The following ZC3H13 variants were observed in gnomAD, a reference collection of about 807,000 sequenced individuals.
ZC3H13 encodes zinc finger CCCH domain-containing protein 13.
ZC3H13 carries 64 observed loss-of-function variants against 204.1 expected under a neutral mutation model. The observed-to-expected ratio is 0.31, with a 90% CI of 0.26 to 0.39. ZC3H13 has a LOEUF of 0.39. Ranked by LOEUF, ZC3H13 falls within the 10% of genes least tolerant of loss-of-function variation. The pLI is 1.00. For synonymous variants in ZC3H13, 667 were observed against 693.7 expected, an observed-to-expected ratio of 0.96 and a Z score of 0.60; for missense variants, 1,833 against 2,082.7, an observed-to-expected ratio of 0.88 and a Z score of 2.33.
chr13:45,992,016 T>C (rs1256725256), intron 8 of ZC3H13, among the ~76,000 whole-genome samples: 1 of 152,178 alleles, frequency 6.6e-6, no homozygotes, highest in Non-Finnish European at 1.5e-5. Flanking sequence ...TTTCAAAAAA[T>C]GGTTTCTATT....
At chr13:45,994,006 A>C (rs2040151220) in intron 8 of ZC3H13, among the ~76,000 whole-genome samples, 1 of 152,258 alleles carries the variant, frequency 6.6e-6, no homozygotes, top group African/African-American at 2.4e-5. Flanking sequence ...TGAACAACAC[A>C]GGGTCCACAC....
At chr13:45,983,268 C>A (rs943574487) in intron 10 of ZC3H13, among the ~76,000 whole-genome samples, 3 of 150,796 alleles carry the variant, frequency 2.0e-5, no homozygotes, top group African/African-American at 7.3e-5. Flanking sequence ...TTTCTGACAA[C>A]TAAAATGGGG....
chr13:46,022,573 T>C (rs185760891), intron 4 of ZC3H13, among the ~76,000 whole-genome samples: 24 of 152,140 alleles, frequency 1.6e-4, no homozygotes, highest in African/African-American at 5.3e-4. Flanking sequence ...TTCTCTTAAA[T>C]CCAAACATAT....
chr13:46,032,027 CT>C lies in ZC3H13; in HGVS notation c.339+10136del, dbSNP rs1256513642. On this transcript the variant is annotated intron_variant, in intron 4 of 18. Transcript: ENST00000679008. The stretch of plus-strand genomic sequence containing the variant: ...AAAACTTGGAAGCAACCAACATGTC[CT>C]TTGGTAGGTCAATGGACAAATAAAC... Among the ~76,000 whole-genome samples, 38 of 152,248 alleles carry C rather than the reference CT, an allele frequency of 2.5e-4. 1 individual carries two copies. Among genetic ancestry groups the C allele is most frequent in the Admixed American group, 2.1e-3 (32 of 15,288 alleles).
rs144094412 is a variant in ZC3H13, at chr13:45,967,263, T to A, written c.4321+241A>T. Among the ~76,000 whole-genome samples, 108 of 152,316 alleles carry A rather than the reference T, an allele frequency of 7.1e-4. 2 individuals carry two copies. In the East Asian group the frequency reaches 0.015, roughly 21 times the overall value. On this transcript the variant is annotated intron_variant, in intron 15 of 18. Coordinates refer to ENST00000679008, the MANE Select transcript of ZC3H13 (RefSeq NM_001330564.2). Reference sequence around the variant, plus strand: ...CACTGCATCTAAACAATCTTTTATTTCATTTAGGTTTATGTGAACCAAATC... The same window carrying A: ...CACTGCATCTAAACAATCTTTTATTACATTTAGGTTTATGTGAACCAAATC...
chr13:46,050,187 C>A (rs946920008), intron 1 of ZC3H13, among the ~76,000 whole-genome samples: 3 of 151,694 alleles, frequency 2.0e-5, no homozygotes, highest in Admixed American at 6.6e-5. Context: ...AAAGACACAA[C>A]AAAAGAGGGT....
intron 9 of ZC3H13, among the ~76,000 whole-genome samples, chr13:45,988,517 A>G (rs1346945626): frequency 6.6e-6 from 1 of 152,184 alleles, no homozygotes; most frequent in Non-Finnish European, 1.5e-5. Flanking sequence ...TCGGCCTCCC[A>G]AAGTGTTGAG....
chr13:45,981,163 G>A (rs1403585292), intron 10 of ZC3H13, among the ~76,000 whole-genome samples: 1 of 152,160 alleles, frequency 6.6e-6, no homozygotes, highest in Non-Finnish European at 1.5e-5. Flanking sequence ...AGGAATATCT[G>A]GCAAAAACAA....
In ZC3H13 at chr13:45,958,409, C is replaced by A. The variant is rs553314902; in HGVS notation, c.4839+1074G>T. 6.2e-4 allele frequency among the ~76,000 whole-genome samples: 95 copies of A among 152,242 alleles called. 1 individual carries two copies. The South Asian group carries it at 0.02, about 32-fold the overall frequency. On this transcript the variant is annotated intron_variant, in intron 18 of 18. Transcript: ENST00000679008. ...TCTTTTGTCATCCAGGTTGAGTAGT[C>A]CTCAACTGAAATGCTTTGGACCAGA... is the stretch of plus-strand genomic sequence containing the variant.
At chr13:46,029,053 T>C (rs1202908436) in intron 4 of ZC3H13, among the ~76,000 whole-genome samples, 5 of 152,074 alleles carry the variant, frequency 3.3e-5, no homozygotes, top group Admixed American at 2.6e-4. Flanking sequence ...TATCAGCTTC[T>C]AGCCAGGCTA....
intron 7 of ZC3H13, among the ~76,000 whole-genome samples, chr13:46,009,795 T>C (rs1020466642): frequency 3.3e-5 from 5 of 152,098 alleles, no homozygotes; most frequent in Non-Finnish European, 5.9e-5. Flanking sequence ...CTCTTGATAA[T>C]ATATACTGAA....
intron 12 of ZC3H13, among the ~76,000 whole-genome samples, chr13:45,973,368 CT>C (rs1185324436): frequency 6.6e-6 from 1 of 152,152 alleles, no homozygotes; most frequent in Non-Finnish European, 1.5e-5. Flanking sequence ...TAATTAGTTT[CT>C]GTTATAGAGT....
At chr13:46,020,988 A>G (rs907300932) in intron 4 of ZC3H13, among the ~76,000 whole-genome samples, 2 of 152,034 alleles carry the variant, frequency 1.3e-5, no homozygotes, top group Non-Finnish European at 2.9e-5. Flanking sequence ...CAATGGAAGG[A>G]TTTGTAAGTG....
rs538792048 is a variant in ZC3H13 at position 46,026,748 on chromosome 13, G to A, written c.340-6191C>T. Among the ~76,000 whole-genome samples, 22 of 152,124 alleles carry A rather than the reference G, an allele frequency of 1.4e-4. No homozygotes were observed. The East Asian group carries it at 3.7e-3, about 25-fold the overall frequency. ...CCAAATCTAAAGAGGAGAACTTCCC[G>A]AAAATAACTGTCATAGTTTGACATA... is the stretch of plus-strand genomic sequence containing the variant. On this transcript the variant is annotated intron_variant, in intron 4 of 18. Coordinates refer to ENST00000679008, the MANE Select transcript of ZC3H13 (RefSeq NM_001330564.2).
intron 4 of ZC3H13, among the ~76,000 whole-genome samples, chr13:46,028,192 C>G (rs2042659736): frequency 6.6e-6 from 1 of 152,142 alleles, no homozygotes; most frequent in Non-Finnish European, 1.5e-5. Context: ...TAATTTCAGA[C>G]AGAGTAGACT....
chr13:46,047,945 AT>A (rs376081894), intron 1 of ZC3H13, among the ~76,000 whole-genome samples: 264 of 151,930 alleles, frequency 1.7e-3, no homozygotes, highest in African/African-American at 5.9e-3. Flanking sequence ...CTAATTTTTT[AT>A]TTTTCCCTCC....
chr13:46,005,716 T>A (rs1040422025), intron 7 of ZC3H13, among the ~76,000 whole-genome samples: 8 of 152,202 alleles, frequency 5.3e-5, no homozygotes, highest in African/African-American at 7.2e-5. Context: ...CTCAAACTCT[T>A]GGGCTCAAGT....
chr13:45,988,943 A>T lies in ZC3H13; in HGVS notation c.1099T>A (p.Leu367Ile), dbSNP rs374890387. ...PSYQRTLTPP[L>I]RRSASPYPSH... The stretch of plus-strand genomic sequence containing the variant: ...GGATAAGGAGAGGCAGAGCGTCGTA[A>T]AGGTGGAGTTAGTGTCCGCTGATAA... Residue 367 changes from leucine (L) to isoleucine (I), a missense_variant, in exon 9 of 19, where the codon TTA becomes ATA. This residue lies in a region of ZC3H13 where 1,574 missense variants were observed against 1,757.2 expected (regional missense o/e 0.90). Transcript: ENST00000679008. 2 of 1,613,774 alleles carry T rather than the reference A, an allele frequency of 1.2e-6. No homozygotes were observed. Among genetic ancestry groups the T allele is most frequent in the African/African-American group, 2.7e-5 (2 of 74,818 alleles).
rs75503329 is a variant in ZC3H13, at chr13:45,967,827, C to A, written c.3998G>T (p.Arg1333Leu). Residue 1333 changes from arginine to leucine, a missense_variant, in exon 15 of 19, where the codon CGC (arginine) becomes CTC (leucine). By Grantham distance (102) the Arg-to-Leu change is moderately radical. This residue lies in a region of ZC3H13 where 1,574 missense variants were observed against 1,757.2 expected (regional missense o/e 0.90). Transcript: ENST00000679008. ...WDRDADKDWP[R>L]NRDRDRLRER... ...TCGCAATCTATCTCGATCCCTGTTG[C>A]GTGGCCAATCTTTATCAGCATCTCG... 6.8e-6 allele frequency: 11 copies of A among 1,613,646 alleles called. No homozygotes were observed. Among genetic ancestry groups the A allele is most frequent in the Non-Finnish European group, 7.6e-6 (9 of 1,179,814 alleles).
Sources: gnomAD v4.1 joint callset for allele counts (sites outside exome capture counted in the v4.1 genomes callset) on GRCh38, gnomAD v4.1.1 for gene constraint, gnomAD v4.1.1 regional missense constraint, MANE v1.5 for transcripts, NCBI Gene and HGNC (gene_info 2026-07-23, HGNC 2026-07-21) for gene names.